The following SS18 variants were observed in gnomAD, a reference collection of about 807,000 sequenced individuals.
SS18 encodes the protein SS18 subunit of BAF chromatin remodeling complex, also known as protein SSXT.
Under a neutral mutation model 72.5 loss-of-function variants are expected in SS18, and 28 were observed. That is an observed-to-expected ratio of 0.39 (90% CI 0.29 to 0.53). The LOEUF (loss-of-function observed/expected upper bound fraction) is 0.53. Among genes scored for constraint, SS18 ranks in the 20% least tolerant of loss-of-function variants. The probability of loss-of-function intolerance (pLI) is 0.76; values close to 1 mark genes in which losing one functional copy is unlikely to be tolerated. For synonymous variants in SS18, 172 were observed against 164.2 expected (o/e 1.05, Z -0.37); for missense variants, 518 against 535.3 (o/e 0.97, Z 0.32).
At chr18:26,049,169 ATAATTAC>A (rs1206343349) in intron 5 of SS18, among the ~76,000 whole-genome samples, 5 of 152,238 alleles carry the variant, frequency 3.3e-5, no homozygotes, top group African/African-American at 1.2e-4. Context: ...GTGGAAAGCT[ATAATTAC>A]TAATGCCTGA....
chr18:26,067,631 C>T (rs572396835), intron 3 of SS18, among the ~76,000 whole-genome samples: 1 of 152,150 alleles, frequency 6.6e-6, no homozygotes, highest in South Asian at 2.1e-4. Context: ...ATAAAATCTC[C>T]CAGGAAGAGT....
intron 4 of SS18, among the ~76,000 whole-genome samples, chr18:26,054,425 G>T (rs757222246): frequency 6.6e-6 from 1 of 152,020 alleles, no homozygotes; most frequent in Non-Finnish European, 1.5e-5. Context: ...TTGACACACA[G>T]AACACATATA....
chr18:26,046,431 T>A (rs1279375279), intron 5 of SS18, among the ~76,000 whole-genome samples: 1 of 152,120 alleles, frequency 6.6e-6, no homozygotes, highest in Non-Finnish European at 1.5e-5. Flanking sequence ...ACTTTCAAAG[T>A]TGTGAAATAT....
chr18:26,081,005 T>C (rs1450356004), intron 2 of SS18, among the ~76,000 whole-genome samples: 6 of 150,732 alleles, frequency 4.0e-5, no homozygotes, highest in Non-Finnish European at 2.9e-5. Flanking sequence ...CTCCAAATCA[T>C]TTTCCCTCGT....
At chr18:26,055,518 T>C (rs1343632243) in intron 4 of SS18, among the ~76,000 whole-genome samples, 1 of 152,046 alleles carries the variant, frequency 6.6e-6, no homozygotes, top group African/African-American at 2.4e-5. Context: ...GACTGAGTAG[T>C]GATTTGACCC....
chr18:26,057,788 CG>C, intron 3 of SS18, 46 bp from the exon 4 acceptor site: 2 of 1,531,872 alleles, frequency 1.3e-6, no homozygotes, highest in Non-Finnish European at 1.8e-6. Context: ...GACTAATATA[CG>C]AAAGATGCAT....
chr18:26,048,645 G>A (rs1309135606), intron 5 of SS18, among the ~76,000 whole-genome samples: 1 of 152,158 alleles, frequency 6.6e-6, no homozygotes, highest in African/African-American at 2.4e-5. Context: ...AATGTGAACA[G>A]TTTAGGTACT....
Position 26,032,504 on chromosome 18 carries a change from C to G in SS18, c.1125G>C (p.Gln375His), listed in dbSNP as rs779777593. 6.2e-7 allele frequency: 1 copy of G among 1,613,764 alleles called. No individual in the cohort carries two copies. The highest frequency in any genetic ancestry group is 8.5e-7 in the Non-Finnish European group (1 of 1,179,812). ...CTTGTCCCTGTGGGTAGTTAGGATA[C>G]TGAGGACCTGGACCACCCTGTGAAG... ...YGPSQGGPGP[Q>H]YPNYPQGQGQ... Residue 375 changes from glutamine to histidine, a missense_variant, in exon 10 of 11, where the codon CAG becomes CAC. Physicochemically the swap from Gln to His is conservative, Grantham distance 24. Transcript: ENST00000415083.
At chr18:26,026,563 AG>A (rs140256567) in intron 10 of SS18, among the ~76,000 whole-genome samples, 19 of 152,274 alleles carry the variant, frequency 1.2e-4, no homozygotes, top group African/African-American at 4.6e-4. Context: ...TTTCTCTCTA[AG>A]ATCAGGAACA....
chr18:26,045,916 C>T (rs1444446025), intron 5 of SS18, among the ~76,000 whole-genome samples: 18 of 152,032 alleles, frequency 1.2e-4, no homozygotes, highest in Admixed American at 1.2e-3. Context: ...GATGCAGTGG[C>T]TCACGCCTGT....
In SS18 at chr18:26,035,503, C is replaced by A; in HGVS notation, c.973+328G>T. ...CAAGCTGTTTCCTAAAGGCACTATA[C>A]TTATATGTAAAATTATACATATGTA... On this transcript the variant is annotated intron_variant, in intron 8 of 10. Coordinates refer to ENST00000415083, the MANE Select transcript of SS18 (RefSeq NM_001007559.3). This position sits in a 1 kb window ranked among gnomAD's most constrained non-coding sequence, Gnocchi z 4.4. 3.5e-6 allele frequency: 1 copy of A among 286,742 alleles called. No individual in the cohort carries two copies. The highest frequency in any genetic ancestry group is 6.5e-6 in the Non-Finnish European group (1 of 153,386). The allele number at this position is 286,742 out of a possible 1,614,324, so 17.8% of individuals were successfully genotyped here.
At chr18:26,073,376 T>A (rs1015383965) in intron 3 of SS18, among the ~76,000 whole-genome samples, 1 of 152,070 alleles carries the variant, frequency 6.6e-6, no homozygotes, top group African/African-American at 2.4e-5. Flanking sequence ...GAGGCATTCA[T>A]CTAAAACTCA....
In SS18 at chr18:26,016,414, A is replaced by T. The variant is rs1452906187; in HGVS notation, c.*1940T>A. 2 of 182,618 alleles carry T rather than the reference A, an allele frequency of 1.1e-5. No individual in the cohort carries two copies. Among genetic ancestry groups the T allele is most frequent in the Non-Finnish European group, 2.3e-5 (2 of 85,512 alleles). 11.3% of individuals were successfully genotyped at this position (182,618 alleles called of 1,614,324 possible). ...CAAACTTGATGTCCATTTTCTACTG[A>T]TCAAGTTGAAAGAAAAAACCTATTC... On this transcript the variant is annotated 3_prime_UTR_variant, in exon 11 of 11. Transcript: ENST00000415083.
intron 3 of SS18, among the ~76,000 whole-genome samples, chr18:26,065,561 C>T (rs1309357565): frequency 1.3e-5 from 2 of 151,648 alleles, no homozygotes; most frequent in Non-Finnish European, 2.9e-5. Flanking sequence ...CTAACTTATA[C>T]AAGAAAATAT....
At position 26,077,959 on chromosome 18, in the gene SS18, G is replaced by A. The variant is rs1276150495; in HGVS notation, c.231+117C>T. The A allele has an allele frequency of 1.3e-5, 8 of 617,146 alleles. No individual in the cohort carries two copies. In the Admixed American group the frequency reaches 2.3e-4, roughly 18 times the overall value. 38.2% of individuals were successfully genotyped at this position (617,146 alleles called of 1,614,324 possible). A position where few individuals can be genotyped will look rare whatever the true frequency, so the allele number is the denominator to read the frequency against. On this transcript the variant is annotated intron_variant, in intron 3 of 10. Coordinates refer to ENST00000415083, the MANE Select transcript of SS18 (RefSeq NM_001007559.3). Reference sequence around the variant, plus strand: ...TTTAGATAACATAGAATACTTTCATGTTCTCAGAGTAAAGCAGGATTTACT... The same window carrying A: ...TTTAGATAACATAGAATACTTTCATATTCTCAGAGTAAAGCAGGATTTACT...
Position 26,027,671 on chromosome 18 carries a change from TAAAAAAAAAAAA to T in SS18, c.1230+4716_1230+4727del, listed in dbSNP as rs68048813. Among the ~76,000 whole-genome samples the T allele has an allele frequency of 7.7e-4, 21 of 27,300 alleles. 1 individual carries two copies. The South Asian group carries it at 9.4e-3, about 12-fold the overall frequency. 17.9% of individuals were successfully genotyped at this position (27,300 alleles called of 152,430 possible). Reference sequence around the variant, plus strand: ...TGGTGGTGACAGAGCGAGACTCATCTAAAAAAAAAAAAAAAAAAAAAAAAAAAAAAAAAGTCT... The same window carrying T: ...TGGTGGTGACAGAGCGAGACTCATCTAAAAAAAAAAAAAAAAAAAAAGTCT... On this transcript the variant is annotated intron_variant, in intron 10 of 10. Transcript: ENST00000415083.
intron 3 of SS18, among the ~76,000 whole-genome samples, chr18:26,062,386 T>C (rs968233771): frequency 2.0e-5 from 3 of 152,216 alleles, no homozygotes; most frequent in Non-Finnish European, 4.4e-5. Flanking sequence ...TAATGAAGAA[T>C]ATTTTAATCT....
At chr18:26,056,683 T>C (rs2054027895) in intron 4 of SS18, among the ~76,000 whole-genome samples, 1 of 152,236 alleles carries the variant, frequency 6.6e-6, no homozygotes, top group African/African-American at 2.4e-5. Flanking sequence ...AAGATGCCAA[T>C]TACTAATTTT....
chr18:26,028,221 G>C (rs1163344279), intron 10 of SS18, among the ~76,000 whole-genome samples: 1 of 152,038 alleles, frequency 6.6e-6, no homozygotes, highest in Non-Finnish European at 1.5e-5. Context: ...TTTGTCCTTA[G>C]GGATACTCAA....
Sources: allele counts gnomAD v4.1 joint callset (sites outside exome capture counted in the v4.1 genomes callset), GRCh38; gene constraint gnomAD v4.1.1; non-coding constraint Gnocchi (gnomAD v3.1); transcripts MANE v1.5; gene names NCBI Gene and HGNC (gene_info 2026-07-23, HGNC 2026-07-21).